Variants in CDK7 observed in about 807,000 individuals in gnomAD.
CDK7 encodes cyclin dependent kinase 7.
A neutral mutation model predicts 49.1 loss-of-function variants in CDK7; 25 were observed. That is an observed-to-expected ratio of 0.51 (90% CI 0.37 to 0.71). The LOEUF is 0.71. Among genes scored for constraint, CDK7 ranks in the 30% least tolerant of loss-of-function variants. The pLI, the probability that CDK7 is intolerant of heterozygous loss-of-function variation, is 0.00. For missense variants in CDK7, 316 were observed against 411.7 expected, an observed-to-expected ratio of 0.77 and a Z score of 2.01; for synonymous variants, 107 against 140.0, an observed-to-expected ratio of 0.76 and a Z score of 1.67.
intron 2 of CDK7, among the ~76,000 whole-genome samples, chr5:69,239,998 C>A (rs1479552394): frequency 6.6e-6 from 1 of 151,932 alleles, no homozygotes; most frequent in Non-Finnish European, 1.5e-5. Flanking sequence ...AGGCATGAGA[C>A]ACTGTGCCTG....
chr5:69,252,343 T>C, intron 2 of CDK7, 75 bp from the exon 3 acceptor site: 1 of 898,794 alleles, frequency 1.1e-6, no homozygotes, highest in South Asian at 1.5e-5. Flanking sequence ...ATTTGAAGTA[T>C]TTACACATTA....
At chr5:69,243,446 T>G (rs1355894106) in intron 2 of CDK7, among the ~76,000 whole-genome samples, 4 of 152,248 alleles carry the variant, frequency 2.6e-5, no homozygotes, top group Non-Finnish European at 5.9e-5. Flanking sequence ...ATGAGTTTGC[T>G]GTAGATGTAT....
intron 2 of CDK7, among the ~76,000 whole-genome samples, chr5:69,247,508 CTTCT>C (rs1289740169): frequency 6.9e-6 from 1 of 144,522 alleles, no homozygotes; most frequent in Non-Finnish European, 1.5e-5. Context: ...ATCTTTGGGG[CTTCT>C]TTTTTTTTTT....
intron 2 of CDK7, among the ~76,000 whole-genome samples, chr5:69,248,259 C>T (rs185014187): frequency 7.0e-4 from 106 of 152,278 alleles, no homozygotes; most frequent in Non-Finnish European, 1.2e-3. Context: ...TATATCATGC[C>T]AGTCTCTCCT....
At chr5:69,257,346 G>C (rs1750555548) in intron 5 of CDK7, among the ~76,000 whole-genome samples, 1 of 151,984 alleles carries the variant, frequency 6.6e-6, no homozygotes, top group Non-Finnish European at 1.5e-5. Context: ...AAAAGAAAAG[G>C]GGAACTTTTA....
chr5:69,234,851 C>T, upstream of CDK7: 1 of 939,930 alleles, frequency 1.1e-6, no homozygotes, highest in Non-Finnish European at 1.6e-6. Flanking sequence ...GGAAGTGAGG[C>T]GGGGATACTA....
At chr5:69,273,550 C>A (rs1751784686) in intron 10 of CDK7, among the ~76,000 whole-genome samples, 1 of 151,986 alleles carries the variant, frequency 6.6e-6, no homozygotes, top group Non-Finnish European at 1.5e-5. Flanking sequence ...TGTATGCTTA[C>A]AAAAGCTTGA....
chr5:69,276,486 C>T (rs926846241), intron 10 of CDK7, 57 bp from the exon 11 acceptor site: 2 of 1,512,466 alleles, frequency 1.3e-6, no homozygotes, highest in African/African-American at 2.8e-5. Flanking sequence ...GTAAGATTTT[C>T]CTTAACACAT....
intron 7 of CDK7, among the ~76,000 whole-genome samples, chr5:69,261,826 G>A (rs1460091225): frequency 6.6e-6 from 1 of 152,200 alleles, no homozygotes; most frequent in East Asian, 1.9e-4. Flanking sequence ...ACCACACCCG[G>A]CCTGAAAAGG....
rs907974990 is a variant in CDK7 at position 69,273,759 on chromosome 5, A to G, written c.864+718A>G. Among the ~76,000 whole-genome samples, 47 of 152,352 alleles carry G rather than the reference A, an allele frequency of 3.1e-4. 2 individuals carry two copies. Among genetic ancestry groups the G allele is most frequent in the South Asian group, 8.3e-4 (4 of 4,832 alleles). ...TGGAAACATATTAATGTACAGTAAT[A>G]TTAAGCATACAAAATAGATTTTTTT... On this transcript the variant is annotated intron_variant, in intron 10 of 11. Transcript: ENST00000256443.
chr5:69,251,328 G>T (rs182582944), intron 2 of CDK7, among the ~76,000 whole-genome samples: 1 of 152,056 alleles, frequency 6.6e-6, no homozygotes, highest in Admixed American at 6.6e-5. Flanking sequence ...TTGAACTCCT[G>T]ACCTCGTGAT....
At chr5:69,238,598 C>G (rs1286226843) in intron 2 of CDK7, among the ~76,000 whole-genome samples, 2 of 151,274 alleles carry the variant, frequency 1.3e-5, no homozygotes, top group African/African-American at 4.9e-5. Context: ...GTATTGCATA[C>G]TTTAAGCTAT....
chr5:69,248,978 C>T (rs760629834), intron 2 of CDK7, among the ~76,000 whole-genome samples: 1 of 151,368 alleles, frequency 6.6e-6, no homozygotes, highest in African/African-American at 2.4e-5. Flanking sequence ...TCCCAGTGTT[C>T]CATAACTTTC....
intron 9 of CDK7, among the ~76,000 whole-genome samples, chr5:69,271,135 T>G (rs967570795): frequency 1.3e-5 from 2 of 152,194 alleles, no homozygotes; most frequent in African/African-American, 4.8e-5. Flanking sequence ...GCATTTGGTG[T>G]TGTCACTTTT....
In CDK7 at chr5:69,259,808, C is replaced by T. The variant is rs752864175; in HGVS notation, c.409-10C>T. On this transcript the variant is annotated splice_polypyrimidine_tract_variant and intron_variant, in intron 6 of 11. Coordinates refer to ENST00000256443, the MANE Select transcript of CDK7 (RefSeq NM_001799.4). ...TGCTTATTTGTTTGTTTAAAACTTCCGTCATATAGGATCTGAAACCAAACA... is the reference window on the plus strand; with the variant it reads ...TGCTTATTTGTTTGTTTAAAACTTCTGTCATATAGGATCTGAAACCAAACA... 7 of 1,580,410 alleles carry T rather than the reference C, an allele frequency of 4.4e-6. No individual in the cohort carries two copies. The highest frequency in any genetic ancestry group is 2.2e-5 in the East Asian group (1 of 44,726).
intron 5 of CDK7, 144 bp downstream of exon 5, chr5:69,255,672 A>G: frequency 2.8e-6 from 2 of 717,952 alleles, no homozygotes; most frequent in Non-Finnish European, 5.1e-6. Flanking sequence ...CTGAGGCAAA[A>G]GGATCTCTAG....
intron 7 of CDK7, among the ~76,000 whole-genome samples, 154 bp downstream of exon 7, chr5:69,260,090 T>TG (rs1170994611): frequency 6.6e-6 from 1 of 152,224 alleles, no homozygotes; most frequent in Non-Finnish European, 1.5e-5. Context: ...GACTCATGCC[T>TG]GTAATCCCAG....
intron 2 of CDK7, among the ~76,000 whole-genome samples, chr5:69,236,886 A>G (rs1749020576): frequency 6.7e-6 from 1 of 149,476 alleles, no homozygotes; most frequent in Non-Finnish European, 1.5e-5. Context: ...TCCTGACCTC[A>G]GTTGATCCAC....
chr5:69,255,536 T>A lies in CDK7; in HGVS notation c.297+8T>A. The A allele has an allele frequency of 6.5e-7, 1 of 1,535,782 alleles. No homozygotes were observed. Among genetic ancestry groups the A allele is most frequent in the Non-Finnish European group, 9.0e-7 (1 of 1,109,446 alleles). On this transcript the variant is annotated splice_region_variant and intron_variant, in intron 5 of 11. Transcript: ENST00000256443. ...ATGGAAACTGATCTAGAGGTAAGAT[T>A]AAGATTCCTGGAGAAATTCCTTTGT... is the stretch of plus-strand genomic sequence containing the variant.
Sources: allele counts gnomAD v4.1 joint callset (sites outside exome capture counted in the v4.1 genomes callset), GRCh38; gene constraint gnomAD v4.1.1; transcripts MANE v1.5; gene names NCBI Gene and HGNC (gene_info 2026-07-23, HGNC 2026-07-21).